ESR1: variants seen among roughly 807,000 people sequenced by gnomAD.
ESR1 encodes the protein estrogen receptor 1.
Under a neutral mutation model 52.7 loss-of-function variants are expected in ESR1, and 12 were observed. The observed-to-expected ratio is 0.23, with a 90% CI of 0.15 to 0.37. ESR1 has a LOEUF of 0.37. ESR1 is among the 10% of genes least tolerant of loss of function. The pLI is 1.00. For synonymous variants in ESR1, 305 were observed against 316.8 expected (o/e 0.96, Z 0.39); for missense variants, 584 against 779.7 (o/e 0.75, Z 2.99).
At chr6:151,938,311 A>G (rs1251934130) in intron 3 of ESR1, among the ~76,000 whole-genome samples, 2 of 152,190 alleles carry the variant, frequency 1.3e-5, no homozygotes, top group South Asian at 2.1e-4. Context: ...TCTATTCCTA[A>G]TGAATACTCA....
chr6:151,788,986 A>G (rs943056186), intron 2 of ESR1, among the ~76,000 whole-genome samples: 2 of 152,196 alleles, frequency 1.3e-5, no homozygotes, highest in Non-Finnish European at 2.9e-5. Context: ...GAGGATCAGG[A>G]AAAATAACTA....
chr6:152,046,363 T>C lies in ESR1; in HGVS notation c.1236-14628T>C, dbSNP rs183519865. Reference sequence around the variant, plus strand: ...CTGTTACTAGTTACATAATGAATGCTACCTATTGCTGCACAGTGCCAAATC... The same window carrying C: ...CTGTTACTAGTTACATAATGAATGCCACCTATTGCTGCACAGTGCCAAATC... On this transcript the variant is annotated intron_variant, in intron 5 of 7. Coordinates refer to ENST00000206249, the MANE Select transcript of ESR1 (RefSeq NM_000125.4). 3.7e-3 allele frequency among the ~76,000 whole-genome samples: 562 copies of C among 152,352 alleles called. 5 individuals carry two copies. The highest frequency in any genetic ancestry group is 3.1e-3 in the South Asian group (15 of 4,832).
intron 2 of ESR1, 54 bp downstream of exon 2, chr6:151,842,841 G>A (rs779181258): frequency 1.3e-6 from 2 of 1,502,352 alleles, no homozygotes; most frequent in East Asian, 2.3e-5. Context: ...CAGATCCTAA[G>A]AGCCAAAGCG....
At chr6:151,738,763 A>G (rs1782859136) in intron 2 of ESR1, among the ~76,000 whole-genome samples, 1 of 152,188 alleles carries the variant, frequency 6.6e-6, no homozygotes, top group Non-Finnish European at 1.5e-5. Context: ...CATTTGTGAA[A>G]TAATTTCTAA....
rs141508452 is a variant in ESR1, at chr6:152,012,017, T to TACACACACACACACACAC, written c.1235+236_1235+253dup. ...CTCAGAAGAATTCTATTATTTCTAATACACACACACACACACACACACACA... is the reference window on the plus strand; with the variant it reads ...CTCAGAAGAATTCTATTATTTCTAATACACACACACACACACACACACACACACACACACACACACACA... On this transcript the variant is annotated intron_variant, in intron 5 of 7. Transcript: ENST00000206249. 4.4e-4 allele frequency among the ~76,000 whole-genome samples: 63 copies of TACACACACACACACACAC among 141,806 alleles called. 1 individual carries two copies. The highest frequency in any genetic ancestry group is 2.8e-3 in the South Asian group (12 of 4,230). The allele number at this position is 141,806 out of a possible 152,430, so 93.0% of individuals were successfully genotyped here. A position where few individuals can be genotyped will look rare whatever the true frequency, so the allele number is the denominator to read the frequency against.
At chr6:151,992,847 G>C (rs2041150766) in intron 4 of ESR1, among the ~76,000 whole-genome samples, 1 of 152,046 alleles carries the variant, frequency 6.6e-6, no homozygotes. Context: ...TGAACCTGAG[G>C]AAATGGAGAC....
chr6:151,740,661 G>C (rs1447402471), intron 2 of ESR1, among the ~76,000 whole-genome samples: 1 of 151,958 alleles, frequency 6.6e-6, no homozygotes, highest in Non-Finnish European at 1.5e-5. Context: ...TTGTAACGGA[G>C]CAAAATATTT....
At chr6:151,931,781 CTCA>C (rs1260402589) in intron 3 of ESR1, among the ~76,000 whole-genome samples, 2 of 146,024 alleles carry the variant, frequency 1.4e-5, no homozygotes, top group Admixed American at 6.9e-5. Context: ...AGGACATGAA[CTCA>C]TCATTTTTTA....
chr6:151,978,427 G>T (rs895516265), intron 4 of ESR1, among the ~76,000 whole-genome samples: 3 of 152,078 alleles, frequency 2.0e-5, no homozygotes, highest in Admixed American at 2.0e-4. Context: ...AGAGGAGATA[G>T]TAAAGAGGAA....
chr6:152,003,340 A>ATG (rs60787638), intron 4 of ESR1, among the ~76,000 whole-genome samples: 21,859 of 145,448 alleles, frequency 0.15, 1,676 homozygotes, highest in East Asian at 0.33. Context: ...AAGGGTAATT[A>ATG]TGTGTGTGTG....
At position 152,013,241 on chromosome 6, in the gene ESR1, T is replaced by C. The variant is rs185039742; in HGVS notation, c.1235+1447T>C. 3.9e-3 allele frequency among the ~76,000 whole-genome samples: 594 copies of C among 152,240 alleles called. 1 individual carries two copies. The highest frequency in any genetic ancestry group is 0.013 in the African/African-American group (560 of 41,540). On this transcript the variant is annotated intron_variant, in intron 5 of 7. Coordinates refer to ENST00000206249, the MANE Select transcript of ESR1 (RefSeq NM_000125.4). ...CCTCTCTTTTCCTTTGCTTTCCTCTTTCTTTCTTTCTCCTGTCCTCTTAAT... is the reference window on the plus strand; with the variant it reads ...CCTCTCTTTTCCTTTGCTTTCCTCTCTCTTTCTTTCTCCTGTCCTCTTAAT...
chr6:151,766,568 A>G (rs1424418325), intron 2 of ESR1, among the ~76,000 whole-genome samples: 8 of 152,226 alleles, frequency 5.3e-5, no homozygotes, highest in Non-Finnish European at 1.0e-4. Context: ...CAAATAAAAT[A>G]TCAAGATTCT....
chr6:152,023,463 A>G (rs548187642), intron 5 of ESR1, among the ~76,000 whole-genome samples: 2 of 152,292 alleles, frequency 1.3e-5, no homozygotes, highest in South Asian at 2.1e-4. Context: ...TTTGGCTAAA[A>G]CATTTTAAAG....
chr6:151,805,914 A>G (rs1777767336), upstream of ESR1: 1 of 152,162 alleles, frequency 6.6e-6, no homozygotes, highest in Admixed American at 6.5e-5. Context: ...CAGGGAGATG[A>G]GGATTGCTGT....
At chr6:151,662,629 G>A (rs569684285) in intron 1 of ESR1, among the ~76,000 whole-genome samples, 3 of 152,146 alleles carry the variant, frequency 2.0e-5, no homozygotes, top group African/African-American at 7.2e-5. Context: ...AGAGAAGAGA[G>A]GACCACAGGC....
At chr6:152,092,252 T>C (rs2050245642) in intron 6 of ESR1, among the ~76,000 whole-genome samples, 1 of 152,256 alleles carries the variant, frequency 6.6e-6, no homozygotes, top group Admixed American at 6.5e-5. Flanking sequence ...TGCTTACTCA[T>C]TCTGTGCTGT....
intron 1 of ESR1, among the ~76,000 whole-genome samples, chr6:151,669,768 T>C (rs150608522): frequency 2.6e-4 from 40 of 152,252 alleles, no homozygotes; most frequent in African/African-American, 9.1e-4. Context: ...ATCACGAGGG[T>C]ACTTTTAAAG....
intron 4 of ESR1, among the ~76,000 whole-genome samples, chr6:151,978,567 C>G (rs1425731587): frequency 6.6e-6 from 1 of 152,086 alleles, no homozygotes; most frequent in East Asian, 1.9e-4. Context: ...CAAGATCCAT[C>G]TTCATGGACT....
At chr6:152,075,386 T>C (rs1282783313) in intron 6 of ESR1, among the ~76,000 whole-genome samples, 1 of 152,226 alleles carries the variant, frequency 6.6e-6, no homozygotes, top group South Asian at 2.1e-4. Context: ...ATTTTTCCAA[T>C]GTAATATAAC....
Sources: allele counts gnomAD v4.1 joint callset (sites outside exome capture counted in the v4.1 genomes callset), GRCh38; gene constraint gnomAD v4.1.1; transcripts MANE v1.5; gene names NCBI Gene and HGNC (gene_info 2026-07-23, HGNC 2026-07-21).